The following NAV3 variants were observed in gnomAD, a reference collection of about 807,000 sequenced individuals.
NAV3 encodes the protein pore membrane and/or filament interacting like protein 1.
Under a neutral mutation model 244.7 loss-of-function variants are expected in NAV3, and 87 were observed. That is an observed-to-expected ratio of 0.36 (90% CI 0.30 to 0.42). The LOEUF (loss-of-function observed/expected upper bound fraction) is 0.42, where lower values mean the gene tolerates loss of function less well. Among genes scored for constraint, NAV3 ranks in the 20% least tolerant of loss-of-function variants. NAV3 has a pLI of 1.00. For missense variants in NAV3, 2,663 were observed against 2,893.3 expected (o/e 0.92, Z 1.83); for synonymous variants, 1,126 against 1,042.2 (o/e 1.08, Z -1.55).
intron 2 of NAV3, among the ~76,000 whole-genome samples, chr12:77,788,719 G>A (rs1427219630): frequency 1.3e-5 from 2 of 151,180 alleles, no homozygotes; most frequent in Admixed American, 1.3e-4. Context: ...GAGATTCCAG[G>A]CATGAGTACT....
chr12:77,776,167 A>C (rs1295443373), intron 2 of NAV3, among the ~76,000 whole-genome samples: 2 of 152,224 alleles, frequency 1.3e-5, no homozygotes, highest in Non-Finnish European at 2.9e-5. Flanking sequence ...AGCAACATTG[A>C]GAGCCAATGG....
At chr12:78,165,493 T>A (rs1957743136) in intron 23 of NAV3, among the ~76,000 whole-genome samples, 1 of 151,936 alleles carries the variant, frequency 6.6e-6, no homozygotes, top group African/African-American at 2.4e-5. Flanking sequence ...CATAAAGAAA[T>A]TGTATGAAAA....
At chr12:77,619,192 T>C (rs73133979) in intron 2 of NAV3, among the ~76,000 whole-genome samples, 359 of 152,356 alleles carry the variant, frequency 2.4e-3, no homozygotes, top group South Asian at 0.011. Flanking sequence ...CCAACCGTGA[T>C]TCTTTGTGCT....
intron 12 of NAV3, among the ~76,000 whole-genome samples, chr12:78,105,733 T>G (rs1954768903): frequency 6.6e-6 from 1 of 151,974 alleles, no homozygotes; most frequent in Admixed American, 6.5e-5. Context: ...AACAAAAGGT[T>G]TCTTCATCAA....
At chr12:77,653,783 C>A (rs1170064872) in intron 2 of NAV3, among the ~76,000 whole-genome samples, 1 of 151,910 alleles carries the variant, frequency 6.6e-6, no homozygotes, top group East Asian at 1.9e-4. Flanking sequence ...TATATTCTTA[C>A]ATATAAACAC....
intron 2 of NAV3, among the ~76,000 whole-genome samples, chr12:77,649,032 A>AC (rs1872716414): frequency 1.3e-5 from 2 of 152,132 alleles, no homozygotes; most frequent in Non-Finnish European, 2.9e-5. Flanking sequence ...GGGCTTCTTC[A>AC]GTGTTCTATT....
chr12:78,096,917 T>C (rs569821329), intron 12 of NAV3, among the ~76,000 whole-genome samples: 159 of 152,310 alleles, frequency 1.0e-3, no homozygotes, highest in African/African-American at 3.7e-3. Context: ...TTGCTTCTGC[T>C]TTGTCCTGAC....
intron 9 of NAV3, among the ~76,000 whole-genome samples, chr12:78,038,650 C>T (rs1880326764): frequency 6.6e-6 from 1 of 152,158 alleles, no homozygotes; most frequent in Non-Finnish European, 1.5e-5. Flanking sequence ...ACTTTTGCAC[C>T]ATTGTGTGAT....
chr12:77,788,330 C>G (rs1325766770), intron 2 of NAV3, among the ~76,000 whole-genome samples: 3 of 152,294 alleles, frequency 2.0e-5, no homozygotes, highest in East Asian at 3.9e-4. Context: ...GCGGCATTTA[C>G]TTCTCATCTG....
rs77991432 is a variant in NAV3 at position 77,975,659 on chromosome 12, A to G, written c.671+6957A>G. On this transcript the variant is annotated intron_variant, in intron 5 of 39. Coordinates refer to ENST00000397909, the MANE Select transcript of NAV3 (RefSeq NM_001024383.2). ...TTAAGAGCCTGTCTGCTTCTCTTCAAGAAGAGAAAACATCTATCCCAGTTG... is the reference window on the plus strand; with the variant it reads ...TTAAGAGCCTGTCTGCTTCTCTTCAGGAAGAGAAAACATCTATCCCAGTTG... Among the ~76,000 whole-genome samples, 878 of 152,340 alleles carry G rather than the reference A, an allele frequency of 5.8e-3. 9 individuals carry two copies. Among genetic ancestry groups the G allele is most frequent in the African/African-American group, 0.02 (833 of 41,570 alleles).
intron 22 of NAV3, among the ~76,000 whole-genome samples, chr12:78,153,526 A>C (rs528658849): frequency 6.6e-6 from 1 of 152,252 alleles, no homozygotes; most frequent in African/African-American, 2.4e-5. Context: ...GCAAACAATA[A>C]GCCAGATAGC....
chr12:77,994,829 C>G lies in NAV3; in HGVS notation c.698C>G (p.Ser233Cys), dbSNP rs773651373. Residue 233 changes from serine to cysteine, a missense_variant, in exon 6 of 40, where the codon TCT becomes TGT. Coordinates refer to ENST00000397909, the MANE Select transcript of NAV3 (RefSeq NM_001024383.2). ...SSLAARYATQ[S>C]NHSGIATSQK... ...CTGGCAGCCAGATATGCAACTCAGT[C>G]TAATCACAGTGGAATTGCAACCAGT... is the stretch of plus-strand genomic sequence containing the variant. 1.2e-6 allele frequency: 2 copies of G among 1,610,788 alleles called. No homozygotes were observed. Among genetic ancestry groups the G allele is most frequent in the Admixed American group, 1.7e-5 (1 of 59,688 alleles).
chr12:77,875,372 A>T (rs1267654853), intron 1 of NAV3, among the ~76,000 whole-genome samples: 8 of 152,006 alleles, frequency 5.3e-5, no homozygotes, highest in Non-Finnish European at 8.8e-5. Context: ...CACACTTCTC[A>T]AAAGAGCACC....
In NAV3 at chr12:78,119,326, A is replaced by G. The variant is rs901406977; in HGVS notation, c.3130A>G (p.Ser1044Gly). ...LQRSPSDAGK[S>G]SGDEGKKPPS... Reference sequence around the variant, plus strand: ...AAGATCTCCTTCAGATGCAGGAAAAAGCAGTGGAGATGAAGGGAAAAAGCC... The same window carrying G: ...AAGATCTCCTTCAGATGCAGGAAAAGGCAGTGGAGATGAAGGGAAAAAGCC... Residue 1044 changes from serine (S) to glycine (G), a missense_variant, in exon 15 of 40, where the codon AGC (serine) becomes GGC (glycine). Physicochemically the swap from Ser to Gly is moderately conservative, Grantham distance 56. This residue lies in a region of NAV3 where 1,521 missense variants were observed against 1,497.0 expected (regional missense o/e 1.02). Transcript: ENST00000397909. The G allele has an allele frequency of 1.2e-6, 2 of 1,614,080 alleles. No individual in the cohort carries two copies. The highest frequency in any genetic ancestry group is 2.7e-5 in the African/African-American group (2 of 74,922).
intron 1 of NAV3, among the ~76,000 whole-genome samples, chr12:77,890,132 T>C (rs1883758271): frequency 6.6e-6 from 1 of 152,194 alleles, no homozygotes; most frequent in Non-Finnish European, 1.5e-5. Context: ...CAAACTATAA[T>C]TCAAATTGAA....
intron 2 of NAV3, among the ~76,000 whole-genome samples, chr12:77,723,778 T>TTTA (rs1165361705): frequency 2.0e-5 from 3 of 147,722 alleles, no homozygotes; most frequent in African/African-American, 4.9e-5. Context: ...TTTTTTTTTT[T>TTTA]ACATATATCT....
At chr12:77,736,919 C>A (rs1253674353) in intron 2 of NAV3, among the ~76,000 whole-genome samples, 1 of 152,012 alleles carries the variant, frequency 6.6e-6, no homozygotes, top group African/African-American at 2.4e-5. Context: ...AGACGAGAGA[C>A]AATGAGATCA....
chr12:77,776,072 A>G (rs1407927971), intron 2 of NAV3, among the ~76,000 whole-genome samples: 2 of 152,214 alleles, frequency 1.3e-5, no homozygotes, highest in Non-Finnish European at 2.9e-5. Context: ...GTATTGGGGA[A>G]GGCACAACCT....
chr12:77,930,239 AATATACTTACACT>A (rs1409773253), intron 1 of NAV3, among the ~76,000 whole-genome samples: 3 of 152,026 alleles, frequency 2.0e-5, no homozygotes, highest in African/African-American at 7.2e-5. Context: ...CACTACCCCC[AATATACTTACACT>A]ATAATTTTCA....
Sources: gnomAD v4.1 joint callset for allele counts (sites outside exome capture counted in the v4.1 genomes callset) on GRCh38, gnomAD v4.1.1 for gene constraint, gnomAD v4.1.1 regional missense constraint, MANE v1.5 for transcripts, NCBI Gene and HGNC (gene_info 2026-07-23, HGNC 2026-07-21) for gene names.